The following COL11A1 variants were observed in gnomAD, a reference collection of about 807,000 sequenced individuals.
COL11A1 encodes collagen type XI alpha 1 chain.
Under a neutral mutation model 265.2 loss-of-function variants are expected in COL11A1, and 74 were observed. That is an observed-to-expected ratio of 0.28 (90% CI 0.23 to 0.34). The LOEUF (loss-of-function observed/expected upper bound fraction) is 0.34. Among genes scored for constraint, COL11A1 ranks in the 10% least tolerant of loss-of-function variants. The pLI is 1.00. For missense variants in COL11A1, 2,165 were observed against 2,263.6 expected (o/e 0.96, Z 0.88); for synonymous variants, 816 against 727.6 (o/e 1.12, Z -1.96).
chr1:103,057,771 G>A (rs1277883454), intron 4 of COL11A1, among the ~76,000 whole-genome samples: 1 of 152,146 alleles, frequency 6.6e-6, no homozygotes, highest in African/African-American at 2.4e-5. Flanking sequence ...GGTCACAACT[G>A]TAGGCTTAAA....
At chr1:103,080,623 T>TATG (rs1419232256) in intron 2 of COL11A1, among the ~76,000 whole-genome samples, 3 of 151,806 alleles carry the variant, frequency 2.0e-5, no homozygotes, top group African/African-American at 7.3e-5. Flanking sequence ...CAATGAGCTA[T>TATG]TACCCCACTC....
rs746773373 is a variant in COL11A1 at position 102,940,373 on chromosome 1, G to T, written c.3338C>A (p.Pro1113Gln). Reference protein sequence around the residue: ...RDGVQGPVGLPGPAGPAGSPG... With the variant: ...RDGVQGPVGLQGPAGPAGSPG... ...GGAGCCGGCAGGACCAGCTGGCCCT[G>T]GGAGACCAACAGGACCTTGAACTCC... Residue 1113 changes from proline (P) to glutamine (Q), a missense_variant, in exon 43 of 67, where the codon CCA (proline) becomes CAA (glutamine). Physicochemically the swap from Pro to Gln is moderately conservative, Grantham distance 76. Transcript: ENST00000370096. 1 of 1,613,982 alleles carries T rather than the reference G, an allele frequency of 6.2e-7. No homozygotes were observed. The highest frequency in any genetic ancestry group is 1.1e-5 in the South Asian group (1 of 91,076).
intron 4 of COL11A1, among the ~76,000 whole-genome samples, chr1:103,049,840 A>C (rs531880970): frequency 1.1e-4 from 17 of 152,152 alleles, no homozygotes; most frequent in African/African-American, 2.9e-4. Context: ...AAAGTATTTT[A>C]TTTCTCCTTC....
At chr1:103,079,837 TC>T (rs1672260201) in intron 2 of COL11A1, among the ~76,000 whole-genome samples, 2 of 151,946 alleles carry the variant, frequency 1.3e-5, no homozygotes, top group Admixed American at 1.3e-4. Context: ...CCTTCCTTTT[TC>T]AATCCATTCA....
At chr1:102,936,947 A>C (rs929988640) in intron 44 of COL11A1, among the ~76,000 whole-genome samples, 1 of 152,150 alleles carries the variant, frequency 6.6e-6, no homozygotes, top group African/African-American at 2.4e-5. Context: ...GATTTTCTTC[A>C]TGCTTTCAAC....
At chr1:102,989,033 G>T (rs184828890) in intron 29 of COL11A1, among the ~76,000 whole-genome samples, 8 of 152,060 alleles carry the variant, frequency 5.3e-5, no homozygotes, top group Non-Finnish European at 1.2e-4. Context: ...ATTTCTGTTT[G>T]TTTTCTATAA....
At chr1:102,911,744 T>C (rs1156616501) in intron 54 of COL11A1, among the ~76,000 whole-genome samples, 1 of 152,206 alleles carries the variant, frequency 6.6e-6, no homozygotes, top group Non-Finnish European at 1.5e-5. Context: ...TATATACTGA[T>C]TCCTGAGCTC....
chr1:103,004,444 A>T lies in COL11A1; in HGVS notation c.1944T>A (p.Ala648=). The T allele has an allele frequency of 6.2e-7, 1 of 1,609,774 alleles. No homozygotes were observed. Among genetic ancestry groups the T allele is most frequent in the Non-Finnish European group, 8.5e-7 (1 of 1,177,254 alleles). The part of the protein sequence containing the change: ...EIGPRGLPGE[A]GPRGLLGPRG... ...TAAAAATAAAAAGTAAGTTGCTTAC[A>T]GCTTCACCTGGAAGACCTCTTGGTC... Residue 648 remains alanine, a splice_region_variant and synonymous_variant, in exon 20 of 67, where the codon GCT becomes GCA. Transcript: ENST00000370096.
At chr1:103,008,425 G>T in intron 15 of COL11A1, 38 bp downstream of exon 15, 2 of 1,547,284 alleles carry the variant, frequency 1.3e-6, no homozygotes, top group Non-Finnish European at 1.8e-6. Flanking sequence ...TATCAAAGAA[G>T]CCAGTCAAGA....
Position 102,962,441 on chromosome 1 carries a change from G to A in COL11A1, c.3025-176C>T, listed in dbSNP as rs139616417. ...GAACTACCCACTACCTACATTTAACGTTACATATATATTAAAGATTTTATG... is the reference window on the plus strand; with the variant it reads ...GAACTACCCACTACCTACATTTAACATTACATATATATTAAAGATTTTATG... On this transcript the variant is annotated intron_variant, in intron 39 of 66. Coordinates refer to ENST00000370096, the MANE Select transcript of COL11A1 (RefSeq NM_001854.4). 1.6e-3 allele frequency among the ~76,000 whole-genome samples: 241 copies of A among 152,206 alleles called. 3 individuals carry two copies. Among genetic ancestry groups the A allele is most frequent in the Non-Finnish European group, 2.4e-3 (165 of 68,016 alleles).
intron 4 of COL11A1, among the ~76,000 whole-genome samples, chr1:103,049,483 C>T (rs1669603997): frequency 1.3e-5 from 2 of 152,104 alleles, no homozygotes; most frequent in African/African-American, 4.8e-5. Flanking sequence ...TATTTTGAGC[C>T]TATGTGTATC....
chr1:103,025,551 T>G lies in COL11A1; in HGVS notation c.960A>C (p.Glu320Asp), dbSNP rs1374215100. Residue 320 changes from glutamate (E) to aspartate (D), a missense_variant, in exon 7 of 67, where the codon GAA becomes GAC. Coordinates refer to ENST00000370096, the MANE Select transcript of COL11A1 (RefSeq NM_001854.4). ...NYGTMESYQT[E>D]APRHVSGTNE... The stretch of plus-strand genomic sequence containing the variant: ...TTGTCCCAGAAACATGCCTAGGAGC[T>G]TCTGTCTGGTAACTTTCCATTGTTC... 1 of 1,613,640 alleles carries G rather than the reference T, an allele frequency of 6.2e-7. No individual in the cohort carries two copies. Among genetic ancestry groups the G allele is most frequent in the Non-Finnish European group, 8.5e-7 (1 of 1,179,722 alleles).
Position 102,888,613 on chromosome 1 carries a change from T to C in COL11A1, c.4572A>G (p.Lys1524=), listed in dbSNP as rs370574925. 1.1e-5 allele frequency: 18 copies of C among 1,613,760 alleles called. No individual in the cohort carries two copies. In the African/African-American group the frequency reaches 1.2e-4, roughly 11 times the overall value. The change falls in exon 62 of 67, where the codon AAA becomes AAG. Residue 1524 remains lysine, a synonymous_variant. Transcript: ENST00000370096. The part of the protein sequence containing the change: ...NKGSTGPAGQ[K]GDSGLPGPPG... ...GAGGCCCTGGAAGACCACTGTCACC[T>C]TTCTGGCCAGCGGGTCCCTGTTAGA...
intron 4 of COL11A1, among the ~76,000 whole-genome samples, chr1:103,041,754 A>G (rs879364244): frequency 1.3e-5 from 2 of 152,058 alleles, no homozygotes; most frequent in Non-Finnish European, 2.9e-5. Flanking sequence ...TGTTTCCTCT[A>G]CAAAATATAG....
intron 1 of COL11A1, among the ~76,000 whole-genome samples, chr1:103,084,306 G>A (rs4391683): frequency 0.5 from 76,069 of 151,820 alleles, 21,668 homozygotes; most frequent in East Asian, 0.92. Flanking sequence ...TTACTCATTC[G>A]AGAATTTTCA....
At chr1:102,913,093 C>T (rs1219523798) in intron 53 of COL11A1, among the ~76,000 whole-genome samples, 4 of 152,066 alleles carry the variant, frequency 2.6e-5, no homozygotes, top group African/African-American at 4.8e-5. Context: ...GGGAATGGCC[C>T]CAGAGACAAA....
intron 24 of COL11A1, among the ~76,000 whole-genome samples, chr1:102,999,709 T>A (rs12753580): frequency 0.024 from 3,676 of 151,946 alleles, 62 homozygotes; most frequent in Middle Eastern, 0.092. Flanking sequence ...TAAAAACATA[T>A]GACATTAGTT....
At chr1:103,013,885 T>A (rs12042830) in intron 13 of COL11A1, among the ~76,000 whole-genome samples, 90,670 of 151,814 alleles carry the variant, frequency 0.6, 30,018 homozygotes, top group East Asian at 0.91. Context: ...TTGTGTATAT[T>A]CTAATTTCAA....
intron 4 of COL11A1, among the ~76,000 whole-genome samples, chr1:103,050,275 T>A (rs1267485084): frequency 6.6e-6 from 1 of 152,224 alleles, no homozygotes; most frequent in Non-Finnish European, 1.5e-5. Context: ...CATAGTCCCA[T>A]ATTTCTTGGA....
Sources: allele counts gnomAD v4.1 joint callset (sites outside exome capture counted in the v4.1 genomes callset), GRCh38; gene constraint gnomAD v4.1.1; transcripts MANE v1.5; gene names NCBI Gene and HGNC (gene_info 2026-07-23, HGNC 2026-07-21).